Variants in MPP7 observed in about 807,000 individuals in gnomAD.
MPP7 encodes the protein MAGUK p55 subfamily member 7.
In MPP7, 60 loss-of-function variants were observed where a neutral mutation model predicts 76.5. That is an observed-to-expected ratio of 0.78 (90% CI 0.64 to 0.97). MPP7 has a LOEUF of 0.97. MPP7 is among the 50% of genes least tolerant of loss of function. The probability of loss-of-function intolerance (pLI) is 0.00; values close to 1 mark genes in which losing one functional copy is unlikely to be tolerated. For missense variants in MPP7, 641 were observed against 694.0 expected (o/e 0.92, Z 0.86); for synonymous variants, 237 against 244.5 (o/e 0.97, Z 0.29).
At chr10:28,106,916 A>G (rs1834344858) in intron 11 of MPP7, among the ~76,000 whole-genome samples, 1 of 152,190 alleles carries the variant, frequency 6.6e-6, no homozygotes, top group South Asian at 2.1e-4. Flanking sequence ...TTGCACATCA[A>G]TGTATAATAT....
chr10:28,052,913 T>A lies in MPP7; in HGVS notation c.*1152A>T, dbSNP rs1301727299. Reference sequence around the variant, plus strand: ...ATTTCTAGCATTTTGAATTATATAATTCACTTGCTGAAAATCAGTAGTATC... The same window carrying A: ...ATTTCTAGCATTTTGAATTATATAAATCACTTGCTGAAAATCAGTAGTATC... On this transcript the variant is annotated 3_prime_UTR_variant, in exon 17 of 17. Coordinates refer to ENST00000683449, the MANE Select transcript of MPP7 (RefSeq NM_001318170.2). 1 of 152,188 alleles carries A rather than the reference T, an allele frequency of 6.6e-6. No homozygotes were observed. Among genetic ancestry groups the A allele is most frequent in the East Asian group, 1.9e-4 (1 of 5,188 alleles). 9.4% of individuals were successfully genotyped at this position (152,188 alleles called of 1,614,324 possible).
At chr10:28,272,611 T>G (rs1207727830) in intron 1 of MPP7, among the ~76,000 whole-genome samples, 2 of 152,214 alleles carry the variant, frequency 1.3e-5, no homozygotes, top group African/African-American at 4.8e-5. Flanking sequence ...ACAGATATAG[T>G]TAATGACTCA....
intron 1 of MPP7, among the ~76,000 whole-genome samples, chr10:28,255,350 A>AT (rs2132883384): frequency 6.6e-6 from 1 of 151,736 alleles, no homozygotes; most frequent in Non-Finnish European, 1.5e-5. Flanking sequence ...CTGACCTCAA[A>AT]TGATCCACCC....
intron 2 of MPP7, among the ~76,000 whole-genome samples, 196 bp from the exon 3 acceptor site, chr10:28,202,467 C>G (rs537956955): frequency 2.6e-5 from 4 of 152,286 alleles, no homozygotes; most frequent in Admixed American, 2.6e-4. Flanking sequence ...TATGTATTAA[C>G]AGACTCATTT....
intron 2 of MPP7, among the ~76,000 whole-genome samples, chr10:28,216,678 C>T (rs981541762): frequency 6.6e-6 from 1 of 152,162 alleles, no homozygotes; most frequent in Admixed American, 6.5e-5. Flanking sequence ...CTGGAGATGA[C>T]CAGCTATGGC....
At chr10:28,210,336 C>T (rs908788440) in intron 2 of MPP7, among the ~76,000 whole-genome samples, 3 of 152,142 alleles carry the variant, frequency 2.0e-5, no homozygotes, top group Non-Finnish European at 2.9e-5. Context: ...TTTGCACCAA[C>T]CTAATATATA....
chr10:28,273,987 C>T (rs1483750564), intron 1 of MPP7, among the ~76,000 whole-genome samples: 4 of 151,760 alleles, frequency 2.6e-5, no homozygotes, highest in Non-Finnish European at 5.9e-5. Flanking sequence ...AGGCTGGGCA[C>T]GGTGGCTTAT....
chr10:28,257,479 G>T lies in MPP7; in HGVS notation c.-131-18744C>A, dbSNP rs1314176658. 8.2e-4 allele frequency among the ~76,000 whole-genome samples: 124 copies of T among 151,196 alleles called. 1 individual carries two copies. The highest frequency in any genetic ancestry group is 2.7e-3 in the African/African-American group (113 of 41,242). ...ATGAAATTGGAAATCATCATTCTCA[G>T]TAAACTATCGCAAGAACAAAAAACC... On this transcript the variant is annotated intron_variant, in intron 1 of 16. Transcript: ENST00000683449.
intron 8 of MPP7, among the ~76,000 whole-genome samples, chr10:28,121,533 T>C (rs1342101952): frequency 6.6e-6 from 1 of 152,134 alleles, no homozygotes; most frequent in Non-Finnish European, 1.5e-5. Context: ...TTAAAATAAG[T>C]ACCAGCACCC....
At chr10:28,103,342 G>A (rs1055432283) in intron 11 of MPP7, among the ~76,000 whole-genome samples, 1 of 150,882 alleles carries the variant, frequency 6.6e-6, no homozygotes, top group African/African-American at 2.4e-5. Context: ...GGGGGCCTGT[G>A]CACATGGATC....
At chr10:28,327,682 T>A (rs1031990139) in intron 2 of MPP7, among the ~76,000 whole-genome samples, 2 of 152,220 alleles carry the variant, frequency 1.3e-5, no homozygotes, top group Non-Finnish European at 2.9e-5. Flanking sequence ...TGAGACCATC[T>A]AGGGACATGT....
At chr10:28,257,833 A>G (rs558307117) in intron 1 of MPP7, among the ~76,000 whole-genome samples, 26 of 152,206 alleles carry the variant, frequency 1.7e-4, no homozygotes, top group African/African-American at 6.0e-4. Context: ...GCTACATGCA[A>G]TTCCTGATCA....
At chr10:28,291,431 G>T (rs1840916959) in intron 1 of MPP7, among the ~76,000 whole-genome samples, 10 of 152,032 alleles carry the variant, frequency 6.6e-5, no homozygotes, top group Admixed American at 6.6e-4. Flanking sequence ...CATGGCAAAC[G>T]CCGTCTATAC....
chr10:28,183,165 C>T lies in MPP7; in HGVS notation c.156+18988G>A, dbSNP rs375572999. Among the ~76,000 whole-genome samples, 14 of 152,038 alleles carry T rather than the reference C, an allele frequency of 9.2e-5. No individual in the cohort carries two copies. In the East Asian group the frequency reaches 1.2e-3, roughly 13 times the overall value. ...CTATTTATAAGAGTTTTAAAACAGA[C>T]GAAATAATATCTCACATTGTGAATA... is the stretch of plus-strand genomic sequence containing the variant. On this transcript the variant is annotated intron_variant, in intron 3 of 16. Coordinates refer to ENST00000683449, the MANE Select transcript of MPP7 (RefSeq NM_001318170.2).
At chr10:28,197,482 C>G (rs1837626026) in intron 3 of MPP7, among the ~76,000 whole-genome samples, 1 of 152,174 alleles carries the variant, frequency 6.6e-6, no homozygotes, top group Non-Finnish European at 1.5e-5. Flanking sequence ...CACACCCAGC[C>G]TAACCTGAGC....
chr10:28,157,623 G>A (rs1478612500), intron 3 of MPP7, among the ~76,000 whole-genome samples: 1 of 152,220 alleles, frequency 6.6e-6, no homozygotes, highest in African/African-American at 2.4e-5. Context: ...GGCTCTGCAT[G>A]CCCTGGACCC....
At chr10:28,267,255 T>A (rs974692631) in intron 1 of MPP7, among the ~76,000 whole-genome samples, 4 of 152,162 alleles carry the variant, frequency 2.6e-5, no homozygotes, top group Non-Finnish European at 4.4e-5. Flanking sequence ...ACAAAAAAAA[T>A]ATTTGCTAAC....
At chr10:28,140,570 ATAAT>A (rs1384895208) in intron 5 of MPP7, among the ~76,000 whole-genome samples, 11 of 152,156 alleles carry the variant, frequency 7.2e-5, no homozygotes, top group African/African-American at 2.7e-4. Flanking sequence ...GAGAGATTAG[ATAAT>A]TACTCATTTC....
intron 1 of MPP7, among the ~76,000 whole-genome samples, chr10:28,296,625 C>T (rs1841042527): frequency 6.6e-6 from 1 of 152,180 alleles, no homozygotes; most frequent in Non-Finnish European, 1.5e-5. Context: ...GCAACCCAAT[C>T]AGTAATAAAC....
Sources: allele counts gnomAD v4.1 joint callset (sites outside exome capture counted in the v4.1 genomes callset), GRCh38; gene constraint gnomAD v4.1.1; transcripts MANE v1.5; gene names NCBI Gene and HGNC (gene_info 2026-07-23, HGNC 2026-07-21).